PHF3: variants seen among roughly 807,000 people sequenced by gnomAD.
The protein encoded by PHF3 is PHD finger protein 3.
A neutral mutation model predicts 178.4 loss-of-function variants in PHF3; 41 were observed. The ratio of observed to expected loss-of-function variants is 0.23; its 90% CI spans 0.18 to 0.30. PHF3 has a LOEUF of 0.30. Among genes scored for constraint, PHF3 ranks in the 10% least tolerant of loss-of-function variants. PHF3 has a pLI of 1.00. For synonymous variants in PHF3, 842 were observed against 800.5 expected, an observed-to-expected ratio of 1.05 and a Z score of -0.88; for missense variants, 2,346 against 2,398.1, an observed-to-expected ratio of 0.98 and a Z score of 0.45.
intron 2 of PHF3, among the ~76,000 whole-genome samples, chr6:63,647,678 G>C (rs1764848100): frequency 6.6e-6 from 1 of 152,066 alleles, no homozygotes; most frequent in Admixed American, 6.6e-5. Flanking sequence ...TTTCTGTAAG[G>C]CTAAACTATC....
intron 1 of PHF3, among the ~76,000 whole-genome samples, chr6:63,639,063 G>T (rs1034594286): frequency 6.6e-6 from 1 of 152,072 alleles, no homozygotes; most frequent in African/African-American, 2.4e-5. Flanking sequence ...GTTTTATGAG[G>T]AATTGCTATA....
At chr6:63,702,357 C>G (rs1767511818) in intron 9 of PHF3, 151 bp from the exon 10 acceptor site, 1 of 457,590 alleles carries the variant, frequency 2.2e-6, no homozygotes, top group African/African-American at 2.0e-5. Context: ...TAAAAGTACT[C>G]AGAATATGTT....
At position 63,723,172 on chromosome 6, in the gene PHF3, G is replaced by T. The variant is rs943655670; in HGVS notation, c.*9464G>T. 2.0e-5 allele frequency among the ~76,000 whole-genome samples: 3 copies of T among 152,000 alleles called. No individual in the cohort carries two copies. The highest frequency in any genetic ancestry group is 7.2e-5 in the African/African-American group (3 of 41,390). On this transcript the variant is annotated 3_prime_UTR_variant, in exon 16 of 16. Transcript: ENST00000262043. The stretch of plus-strand genomic sequence containing the variant: ...AAAGCAAAAACTTTTTTCCTATAAT[G>T]ACATGAAAATTGTTTTAAAAATTCA...
chr6:63,672,497 T>C (rs1157367653), intron 2 of PHF3, among the ~76,000 whole-genome samples: 1 of 152,246 alleles, frequency 6.6e-6, no homozygotes, highest in Non-Finnish European at 1.5e-5. Context: ...TGTTGCTTGG[T>C]AGGTTAAAAA....
chr6:63,665,262 C>T (rs1269027301), intron 2 of PHF3, among the ~76,000 whole-genome samples: 2 of 152,014 alleles, frequency 1.3e-5, no homozygotes, highest in Non-Finnish European at 2.9e-5. Context: ...TGTATTTTCT[C>T]ATATGACTTA....
chr6:63,695,270 G>T (rs774360116), intron 6 of PHF3, among the ~76,000 whole-genome samples: 5 of 152,290 alleles, frequency 3.3e-5, no homozygotes, highest in African/African-American at 7.2e-5. Flanking sequence ...GAAAGCCACT[G>T]TAGAGTGATT....
At position 63,720,694 on chromosome 6, in the gene PHF3, T is replaced by C; in HGVS notation, c.*6986T>C. On this transcript the variant is annotated 3_prime_UTR_variant, in exon 16 of 16. Transcript: ENST00000262043. ...GGTTCCTGAAAAAATACAACATCTT[T>C]AATTTTGCCAACAAAATTGGTTTTA... The C allele has an allele frequency of 6.5e-7, 1 of 1,548,528 alleles. No homozygotes were observed. The highest frequency in any genetic ancestry group is 8.7e-7 in the Non-Finnish European group (1 of 1,145,704).
In PHF3 at chr6:63,718,955, T is replaced by A. The variant is rs768392652; in HGVS notation, c.*5247T>A. 2.6e-5 allele frequency among the ~76,000 whole-genome samples: 4 copies of A among 152,034 alleles called. No homozygotes were observed. The highest frequency in any genetic ancestry group is 5.9e-5 in the Non-Finnish European group (4 of 67,954). ...GTATCTCCAAAGTTAAATGCAATAGTATGGAGCAATACCAGTTTAGGTCAC... is the reference window on the plus strand; with the variant it reads ...GTATCTCCAAAGTTAAATGCAATAGAATGGAGCAATACCAGTTTAGGTCAC... On this transcript the variant is annotated 3_prime_UTR_variant, in exon 16 of 16. Transcript: ENST00000262043.
chr6:63,657,147 T>C (rs1765269020), intron 2 of PHF3, among the ~76,000 whole-genome samples: 1 of 152,240 alleles, frequency 6.6e-6, no homozygotes. Flanking sequence ...CATTTTGCTT[T>C]ATGTCTTTCT....
rs1046038673 is a variant in PHF3, at chr6:63,715,811, A to G, written c.*2103A>G. 6.6e-6 allele frequency among the ~76,000 whole-genome samples: 1 copy of G among 152,054 alleles called. No homozygotes were observed. Among genetic ancestry groups the G allele is most frequent in the African/African-American group, 2.4e-5 (1 of 41,408 alleles). ...CTATTTGAGGTTTTCCTTTTGAGGA[A>G]AAAAAGGGAAAATGAGCAGATTTTT... On this transcript the variant is annotated 3_prime_UTR_variant, in exon 16 of 16. Coordinates refer to ENST00000262043, the MANE Select transcript of PHF3 (RefSeq NM_001370348.2).
At chr6:63,668,778 G>T (rs1012922735) in intron 2 of PHF3, among the ~76,000 whole-genome samples, 2 of 151,952 alleles carry the variant, frequency 1.3e-5, no homozygotes, top group African/African-American at 4.8e-5. Context: ...ACTTTTAATT[G>T]TGTGTTCCAT....
intron 8 of PHF3, 50 bp from the exon 9 acceptor site, chr6:63,700,300 C>T: frequency 1.3e-6 from 1 of 777,248 alleles, no homozygotes; most frequent in Non-Finnish European, 2.2e-6. Context: ...GTGTAGTAGC[C>T]ACTCAAAATG....
At chr6:63,672,110 G>A (rs1415572387) in intron 2 of PHF3, among the ~76,000 whole-genome samples, 4 of 152,204 alleles carry the variant, frequency 2.6e-5, no homozygotes, top group Admixed American at 6.5e-5. Context: ...CAAAGTGCTG[G>A]GATTGCAGGC....
intron 14 of PHF3, among the ~76,000 whole-genome samples, chr6:63,710,281 A>G (rs1767870491): frequency 6.6e-6 from 1 of 152,238 alleles, no homozygotes; most frequent in South Asian, 2.1e-4. Flanking sequence ...ATTACTGCCC[A>G]ACACTTTATA....
At chr6:63,695,280 T>G (rs1160012138) in intron 6 of PHF3, among the ~76,000 whole-genome samples, 1 of 152,118 alleles carries the variant, frequency 6.6e-6, no homozygotes, top group African/African-American at 2.4e-5. Flanking sequence ...GTAGAGTGAT[T>G]AGAAGGTAAT....
At position 63,712,786 on chromosome 6, in the gene PHF3, C is replaced by A. The variant is rs765413641; in HGVS notation, c.5198C>A (p.Ala1733Glu). 1 of 1,613,880 alleles carries A rather than the reference C, an allele frequency of 6.2e-7. No individual in the cohort carries two copies. Among genetic ancestry groups the A allele is most frequent in the Non-Finnish European group, 8.5e-7 (1 of 1,179,938 alleles). Residue 1733 changes from alanine to glutamate, a missense_variant, in exon 16 of 16, where the codon GCA (alanine) becomes GAA (glutamate). Ala to Glu is a moderately radical substitution (Grantham distance 107). Around this residue, in one of 8 missense-constraint regions of PHF3, gnomAD observed 839 missense variants for 806.9 expected, o/e 1.04. Transcript: ENST00000262043. ...GTAGAAAACATACAGACTTCTCAAG[C>A]AGAACAAGCAAAACCCTTACAGGAG... is the stretch of plus-strand genomic sequence containing the variant. ...PSVENIQTSQ[A>E]EQAKPLQEDI...
In PHF3 at chr6:63,684,119, C is replaced by T; in HGVS notation, c.407-10C>T. On this transcript the variant is annotated splice_polypyrimidine_tract_variant and intron_variant, in intron 3 of 15. Transcript: ENST00000262043. The stretch of plus-strand genomic sequence containing the variant: ...TAAGTATTTTTATTTATTTTTTCCC[C>T]CTGTGATAGAACAAGTAAGAAGTTT... The T allele has an allele frequency of 1.3e-6, 2 of 1,563,552 alleles. No individual in the cohort carries two copies. Among genetic ancestry groups the T allele is most frequent in the East Asian group, 2.2e-5 (1 of 44,488 alleles).
chr6:63,638,687 AT>A (rs1335778290), intron 1 of PHF3, among the ~76,000 whole-genome samples: 4 of 151,758 alleles, frequency 2.6e-5, no homozygotes, highest in Admixed American at 1.3e-4. Flanking sequence ...TGGCTGCTGG[AT>A]TTTTTTCTTT....
rs1335320588 is a variant in PHF3 at position 63,721,201 on chromosome 6, C to T, written c.*7493C>T. 3.2e-6 allele frequency: 5 copies of T among 1,551,618 alleles called. No individual in the cohort carries two copies. Among genetic ancestry groups the T allele is most frequent in the Non-Finnish European group, 4.4e-6 (5 of 1,146,924 alleles). On this transcript the variant is annotated 3_prime_UTR_variant, in exon 16 of 16. Coordinates refer to ENST00000262043, the MANE Select transcript of PHF3 (RefSeq NM_001370348.2). ...GTTTTGTTTTCACAATACCTTCCCA[C>T]CCAACCCAAAGTACACAGGCAACTG... is the stretch of plus-strand genomic sequence containing the variant.
Sources: gnomAD v4.1 joint callset for allele counts (sites outside exome capture counted in the v4.1 genomes callset) on GRCh38, gnomAD v4.1.1 for gene constraint, gnomAD v4.1.1 regional missense constraint, MANE v1.5 for transcripts, NCBI Gene and HGNC (gene_info 2026-07-23, HGNC 2026-07-21) for gene names.